Variants in PRKCA observed in about 807,000 individuals in gnomAD.
PRKCA encodes the protein protein kinase C alpha type.
PRKCA carries 27 observed loss-of-function variants against 87.0 expected under a neutral mutation model. The ratio of observed to expected loss-of-function variants is 0.31; its 90% CI spans 0.23 to 0.43. PRKCA has a LOEUF of 0.43. Ranked by LOEUF, PRKCA falls within the 20% of genes least tolerant of loss-of-function variation. The pLI, the probability that PRKCA is intolerant of heterozygous loss-of-function variation, is 1.00. For synonymous variants in PRKCA, 329 were observed against 311.1 expected, an observed-to-expected ratio of 1.06 and a Z score of -0.61; for missense variants, 518 against 852.3, an observed-to-expected ratio of 0.61 and a Z score of 4.88.
intron 3 of PRKCA, among the ~76,000 whole-genome samples, chr17:66,568,574 T>A (rs903296035): frequency 6.6e-6 from 1 of 152,158 alleles, no homozygotes; most frequent in Admixed American, 6.5e-5. Context: ...CTCATTCGTA[T>A]AGCTGGTGTG....
chr17:66,443,863 G>A (rs1913898100), intron 2 of PRKCA, among the ~76,000 whole-genome samples: 2 of 152,152 alleles, frequency 1.3e-5, no homozygotes, highest in Non-Finnish European at 2.9e-5. Context: ...AAGGGAGGAG[G>A]AAAAGTGTGT....
At chr17:66,631,184 A>G (rs1598829393) in intron 3 of PRKCA, among the ~76,000 whole-genome samples, 1 of 152,222 alleles carries the variant, frequency 6.6e-6, no homozygotes, top group South Asian at 2.1e-4. Flanking sequence ...GTGATTTGTT[A>G]GCAGTATAAT....
At chr17:66,377,487 A>G (rs990019683) in intron 2 of PRKCA, among the ~76,000 whole-genome samples, 1 of 149,776 alleles carries the variant, frequency 6.7e-6, no homozygotes, top group Non-Finnish European at 1.5e-5. Flanking sequence ...ACGTGTATAT[A>G]TATACATGTA....
chr17:66,545,383 TGTG>T (rs1968118635), intron 3 of PRKCA, among the ~76,000 whole-genome samples: 1 of 152,194 alleles, frequency 6.6e-6, no homozygotes, highest in Non-Finnish European at 1.5e-5. Context: ...GAGCCAAGAT[TGTG>T]CCACTGCACT....
chr17:66,742,849 T>C (rs1974186588), intron 13 of PRKCA, 89 bp downstream of exon 13: 2 of 1,429,294 alleles, frequency 1.4e-6, no homozygotes, highest in Non-Finnish European at 9.5e-7. Context: ...TGGCGAATCA[T>C]GAAGTCAGTG....
intron 3 of PRKCA, among the ~76,000 whole-genome samples, chr17:66,584,339 A>G (rs971509507): frequency 2.6e-5 from 4 of 151,902 alleles, no homozygotes; most frequent in African/African-American, 7.3e-5. Flanking sequence ...CTCCTGCCTC[A>G]GCCTCCCAAG....
chr17:66,704,941 C>G (rs1316222363), intron 8 of PRKCA, among the ~76,000 whole-genome samples: 2 of 152,090 alleles, frequency 1.3e-5, no homozygotes, highest in African/African-American at 4.8e-5. Context: ...TGCTCTCTTC[C>G]AGTTGGGGGA....
At chr17:66,610,581 G>A (rs780160982) in intron 3 of PRKCA, among the ~76,000 whole-genome samples, 2 of 152,172 alleles carry the variant, frequency 1.3e-5, no homozygotes, top group African/African-American at 4.8e-5. Context: ...TCTGTTTCAG[G>A]ATGTTGGAAA....
chr17:66,652,281 A>G (rs139557199), intron 5 of PRKCA, among the ~76,000 whole-genome samples: 13 of 152,286 alleles, frequency 8.5e-5, no homozygotes, highest in Admixed American at 7.8e-4. Context: ...TTAAAAGAGA[A>G]TGAGGAGACA....
chr17:66,368,413 G>T (rs1269824244), intron 2 of PRKCA, among the ~76,000 whole-genome samples: 2 of 42,152 alleles, frequency 4.7e-5, no homozygotes, highest in Non-Finnish European at 8.5e-5. Flanking sequence ...TTTTTTTTTG[G>T]AGACAGGGTC....
chr17:66,637,247 G>A (rs767787206), intron 3 of PRKCA, among the ~76,000 whole-genome samples: 1 of 152,152 alleles, frequency 6.6e-6, no homozygotes, highest in Non-Finnish European at 1.5e-5. Context: ...TGCCTGGCAT[G>A]CACATACTCC....
intron 5 of PRKCA, among the ~76,000 whole-genome samples, chr17:66,675,677 G>A (rs1479071128): frequency 6.6e-6 from 1 of 152,124 alleles, no homozygotes; most frequent in Non-Finnish European, 1.5e-5. Flanking sequence ...GTTTTAGGAT[G>A]TGCCTGTTAC....
chr17:66,555,468 C>A (rs1395551664), intron 3 of PRKCA, among the ~76,000 whole-genome samples: 1 of 152,132 alleles, frequency 6.6e-6, no homozygotes, highest in Non-Finnish European at 1.5e-5. Context: ...CACACGCTTC[C>A]CCACTTCACT....
Position 66,742,640 on chromosome 17 carries a change from C to T in PRKCA, c.1404C>T (p.Asn468=), listed in dbSNP as rs200595684. 5.1e-5 allele frequency: 83 copies of T among 1,614,042 alleles called. 1 individual carries two copies. The African/African-American group carries it at 8.1e-4, about 16-fold the overall frequency. ...CTTGCAGGGATCTGAAGTTAGATAA[C>T]GTCATGTTGGATTCAGAAGGACATA... ...GIIYRDLKLD[N]VMLDSEGHIK... Residue 468 remains asparagine, a synonymous_variant, in exon 13 of 17, where the codon AAC becomes AAT. Transcript: ENST00000413366.
chr17:66,408,713 C>T (rs1911566713), intron 2 of PRKCA, among the ~76,000 whole-genome samples: 1 of 152,104 alleles, frequency 6.6e-6, no homozygotes, highest in African/African-American at 2.4e-5. Context: ...TAATTTGCTG[C>T]TCATTAGTTG....
intron 2 of PRKCA, among the ~76,000 whole-genome samples, chr17:66,325,872 C>G (rs933799198): frequency 9.9e-5 from 15 of 152,192 alleles, no homozygotes; most frequent in African/African-American, 3.4e-4. Flanking sequence ...TCCCATCCCT[C>G]TCCACCTTTC....
intron 8 of PRKCA, among the ~76,000 whole-genome samples, chr17:66,712,837 T>C (rs1973365849): frequency 6.6e-6 from 1 of 152,100 alleles, no homozygotes; most frequent in African/African-American, 2.4e-5. Flanking sequence ...ACCAACCTCC[T>C]AGGGATGTTG....
intron 3 of PRKCA, among the ~76,000 whole-genome samples, chr17:66,570,840 A>G (rs895658452): frequency 6.6e-6 from 1 of 152,308 alleles, no homozygotes; most frequent in African/African-American, 2.4e-5. Flanking sequence ...CCCAAAGCCA[A>G]GAGCCCTGGG....
chr17:66,588,672 G>A (rs551694659), intron 3 of PRKCA, among the ~76,000 whole-genome samples: 9 of 42,978 alleles, frequency 2.1e-4, no homozygotes, highest in African/African-American at 7.3e-4. Context: ...TGAGAGTTTC[G>A]CTTTGTTGCC....
Sources: gnomAD v4.1 joint callset for allele counts (sites outside exome capture counted in the v4.1 genomes callset) on GRCh38, gnomAD v4.1.1 for gene constraint, MANE v1.5 for transcripts, NCBI Gene and HGNC (gene_info 2026-07-23, HGNC 2026-07-21) for gene names.